The following ADARB2 variants were observed in gnomAD, a reference collection of about 807,000 sequenced individuals.
ADARB2 encodes adenosine deaminase RNA specific B2 (inactive).
ADARB2 carries 25 observed loss-of-function variants against 62.2 expected under a neutral mutation model. That is an observed-to-expected ratio of 0.40 (90% CI 0.29 to 0.56). The LOEUF is 0.56. Ranked by LOEUF, ADARB2 falls within the 20% of genes least tolerant of loss-of-function variation. The pLI, the probability that ADARB2 is intolerant of heterozygous loss-of-function variation, is 0.43. For synonymous variants in ADARB2, 572 were observed against 500.8 expected (o/e 1.14, Z -1.90); for missense variants, 1,071 against 1,077.4 (o/e 0.99, Z 0.08).
chr10:1,625,145 G>A (rs952465708), intron 1 of ADARB2, among the ~76,000 whole-genome samples: 12 of 152,196 alleles, frequency 7.9e-5, no homozygotes, highest in African/African-American at 2.7e-4. Flanking sequence ...AGTCCTGAGA[G>A]CTAAACCCCA....
intron 4 of ADARB2, among the ~76,000 whole-genome samples, chr10:1,245,761 A>G (rs1415106046): frequency 6.6e-6 from 1 of 152,136 alleles, no homozygotes; most frequent in Non-Finnish European, 1.5e-5. Flanking sequence ...GGTTGGTTCC[A>G]AGTCTTTGCT....
intron 1 of ADARB2, among the ~76,000 whole-genome samples, chr10:1,545,835 G>A (rs1371986760): frequency 3.3e-5 from 5 of 152,204 alleles, no homozygotes; most frequent in Admixed American, 3.3e-4. Context: ...TCAGCAGAAC[G>A]GCCAGTGCTA....
At chr10:1,359,597 A>G (rs1204880275) in intron 3 of ADARB2, among the ~76,000 whole-genome samples, 1 of 152,182 alleles carries the variant, frequency 6.6e-6, no homozygotes, top group African/African-American at 2.4e-5. Context: ...GGAAGCTGAT[A>G]TTGTGAATCC....
intron 1 of ADARB2, among the ~76,000 whole-genome samples, chr10:1,418,668 C>A (rs759024884): frequency 6.6e-6 from 1 of 152,144 alleles, no homozygotes; most frequent in Non-Finnish European, 1.5e-5. Flanking sequence ...CCAGAGTAGT[C>A]CGTATTATTA....
In ADARB2 at chr10:1,530,989, C is replaced by T. The variant is rs773796347; in HGVS notation, c.101-151829G>A. Reference sequence around the variant, plus strand: ...CTCAGCACTCAGCACTCAGGTCAGTCGTTGCTTCTTCGGCAAGGTCGGCCC... The same window carrying T: ...CTCAGCACTCAGCACTCAGGTCAGTTGTTGCTTCTTCGGCAAGGTCGGCCC... On this transcript the variant is annotated intron_variant, in intron 1 of 9. Transcript: ENST00000381312. Among the ~76,000 whole-genome samples the T allele has an allele frequency of 1.1e-4, 16 of 152,296 alleles. No homozygotes were observed. The East Asian group carries it at 2.3e-3, about 22-fold the overall frequency.
In ADARB2 at chr10:1,730,900, T is replaced by A. The variant is rs148001586; in HGVS notation, c.100+6151A>T. On this transcript the variant is annotated intron_variant, in intron 1 of 9. Transcript: ENST00000381312. ...AGACATTTTCCTGCCAGAAACTAGA[T>A]ACTAACTGTATTCATTCACCATCAA... Among the ~76,000 whole-genome samples, 113 of 152,332 alleles carry A rather than the reference T, an allele frequency of 7.4e-4. 2 individuals carry two copies. The highest frequency in any genetic ancestry group is 2.9e-4 in the Non-Finnish European group (20 of 68,032).
rs1327006199 is a variant in ADARB2, at chr10:1,178,178, T to C, written c.*5015A>G. 6.7e-6 allele frequency: 1 copy of C among 150,290 alleles called. No homozygotes were observed. Among genetic ancestry groups the C allele is most frequent in the Non-Finnish European group, 1.5e-5 (1 of 68,242 alleles). 9.3% of individuals were successfully genotyped at this position (150,290 alleles called of 1,614,324 possible). A position where few individuals can be genotyped will look rare whatever the true frequency, so the allele number is the denominator to read the frequency against. On this transcript the variant is annotated 3_prime_UTR_variant, in exon 10 of 10. Transcript: ENST00000381312. ...GGGGATGGTGCCTGAGACCTCCTCCTGGGTGGGGGCCACGGCAGCAGAACA... is the reference window on the plus strand; with the variant it reads ...GGGGATGGTGCCTGAGACCTCCTCCCGGGTGGGGGCCACGGCAGCAGAACA...
At chr10:1,438,035 C>G (rs1389635209) in intron 1 of ADARB2, among the ~76,000 whole-genome samples, 1 of 152,224 alleles carries the variant, frequency 6.6e-6, no homozygotes, top group Non-Finnish European at 1.5e-5. Context: ...CTCTCACTCC[C>G]TCCTCTCCTT....
chr10:1,501,486 T>C (rs149568482), intron 1 of ADARB2, among the ~76,000 whole-genome samples: 3 of 152,198 alleles, frequency 2.0e-5, no homozygotes, highest in African/African-American at 7.2e-5. Context: ...GAGGTGGAAC[T>C]CAAGAATCTG....
At chr10:1,428,670 T>TG (rs940162239) in intron 1 of ADARB2, among the ~76,000 whole-genome samples, 1 of 143,240 alleles carries the variant, frequency 7.0e-6, no homozygotes, top group Non-Finnish European at 1.5e-5. Context: ...GGTTAGAGAT[T>TG]GGGGGCTGGG....
intron 1 of ADARB2, among the ~76,000 whole-genome samples, chr10:1,557,860 T>C (rs1257659060): frequency 6.6e-6 from 1 of 151,992 alleles, no homozygotes; most frequent in Non-Finnish European, 1.5e-5. Context: ...TGCGGTGAGC[T>C]GAGGTTGCGG....
intron 1 of ADARB2, among the ~76,000 whole-genome samples, chr10:1,605,918 A>C (rs1430468617): frequency 6.6e-6 from 1 of 152,242 alleles, no homozygotes; most frequent in Non-Finnish European, 1.5e-5. Context: ...TTTTCATGAC[A>C]AAATGTCCAT....
chr10:1,512,549 T>G (rs1831950002), intron 1 of ADARB2, among the ~76,000 whole-genome samples: 1 of 152,236 alleles, frequency 6.6e-6, no homozygotes, highest in African/African-American at 2.4e-5. Flanking sequence ...ATGAGAAGGC[T>G]GAAGTCCAAA....
intron 3 of ADARB2, among the ~76,000 whole-genome samples, chr10:1,338,036 T>C (rs1475082921): frequency 1.3e-5 from 2 of 152,178 alleles, no homozygotes; most frequent in African/African-American, 2.4e-5. Context: ...GGTAGAATCA[T>C]TGGAGAAAAT....
intron 1 of ADARB2, among the ~76,000 whole-genome samples, chr10:1,570,194 A>T (rs1414404967): frequency 6.6e-6 from 1 of 152,220 alleles, no homozygotes; most frequent in African/African-American, 2.4e-5. Flanking sequence ...TTATTTTTTA[A>T]CAGTATATGT....
chr10:1,217,474 A>G (rs535836086), intron 6 of ADARB2, among the ~76,000 whole-genome samples: 119 of 152,334 alleles, frequency 7.8e-4, no homozygotes, highest in African/African-American at 2.8e-3. Context: ...TCATTTACAG[A>G]TGCAGACTTG....
rs976022396 is a variant in ADARB2, at chr10:1,302,310, G to A, written c.1078-31241C>T. Among the ~76,000 whole-genome samples, 11 of 152,306 alleles carry A rather than the reference G, an allele frequency of 7.2e-5. 1 individual carries two copies. The highest frequency in any genetic ancestry group is 4.6e-4 in the Admixed American group (7 of 15,302). ...CCGGTCACTCCCACCTGAATACTGC[G>A]CTTTTCCGACGGGCTTAAAAAACGG... On this transcript the variant is annotated intron_variant, in intron 3 of 9. Coordinates refer to ENST00000381312, the MANE Select transcript of ADARB2 (RefSeq NM_018702.4).
rs374039512 is a variant in ADARB2, at chr10:1,628,159, C to T, written c.100+108892G>A. Among the ~76,000 whole-genome samples, 5 of 152,358 alleles carry T rather than the reference C, an allele frequency of 3.3e-5. No homozygotes were observed. In the East Asian group the frequency reaches 9.7e-4, roughly 29 times the overall value. On this transcript the variant is annotated intron_variant, in intron 1 of 9. Transcript: ENST00000381312. ...TGAGGGGCTGAGAGCAAACGGGCGG[C>T]GATGCATTGCCTGCAGCCTCCTCTG...
chr10:1,476,145 A>C (rs550261097), intron 1 of ADARB2, among the ~76,000 whole-genome samples: 119 of 152,294 alleles, frequency 7.8e-4, no homozygotes, highest in Non-Finnish European at 1.6e-3. Context: ...AGAAGGAGAG[A>C]AAAAAGGAAG....
Sources: allele counts gnomAD v4.1 joint callset (sites outside exome capture counted in the v4.1 genomes callset), GRCh38; gene constraint gnomAD v4.1.1; transcripts MANE v1.5; gene names NCBI Gene and HGNC (gene_info 2026-07-23, HGNC 2026-07-21).